Variants in CNTN4 observed in about 807,000 individuals in gnomAD.
CNTN4 encodes the protein contactin 4.
A neutral mutation model predicts 122.5 loss-of-function variants in CNTN4; 77 were observed. The observed-to-expected ratio is 0.63, with a 90% CI of 0.52 to 0.76. The LOEUF (loss-of-function observed/expected upper bound fraction) is 0.76. CNTN4 is among the 30% of genes least tolerant of loss of function. The pLI is 0.00. For synonymous variants in CNTN4, 512 were observed against 447.0 expected (o/e 1.15, Z -1.83); for missense variants, 1,256 against 1,259.1 (o/e 1.00, Z 0.04).
intron 12 of CNTN4, among the ~76,000 whole-genome samples, chr3:2,912,285 C>T (rs1010425460): frequency 2.0e-5 from 3 of 152,188 alleles, no homozygotes; most frequent in African/African-American, 7.2e-5. Context: ...AGATGATCTA[C>T]TCAAAGTGCT....
chr3:2,251,729 C>CT (rs977132496), intron 2 of CNTN4, among the ~76,000 whole-genome samples: 7 of 151,206 alleles, frequency 4.6e-5, no homozygotes, highest in African/African-American at 9.7e-5. Flanking sequence ...AGTATTACTT[C>CT]TTTTTTTTAA....
intron 3 of CNTN4, among the ~76,000 whole-genome samples, chr3:2,570,410 CAA>C (rs897714113): frequency 1.3e-5 from 2 of 152,152 alleles, no homozygotes; most frequent in East Asian, 3.9e-4. Flanking sequence ...CTCCTGGCCT[CAA>C]GAGATCCTCC....
At chr3:2,585,221 A>G (rs936076533) in intron 4 of CNTN4, among the ~76,000 whole-genome samples, 3 of 152,068 alleles carry the variant, frequency 2.0e-5, no homozygotes, top group Non-Finnish European at 4.4e-5. Context: ...AGAAATAGAA[A>G]CACTTTTACA....
chr3:2,490,562 T>C (rs1268844639), intron 3 of CNTN4, among the ~76,000 whole-genome samples: 2 of 152,224 alleles, frequency 1.3e-5, no homozygotes, highest in Non-Finnish European at 2.9e-5. Flanking sequence ...AAATGCCTAT[T>C]TTATCCTCCT....
intron 3 of CNTN4, among the ~76,000 whole-genome samples, chr3:2,469,986 G>A (rs2075629656): frequency 6.6e-6 from 1 of 152,032 alleles, no homozygotes; most frequent in Non-Finnish European, 1.5e-5. Context: ...ACATTAATTT[G>A]CTAATATAAG....
intron 3 of CNTN4, among the ~76,000 whole-genome samples, chr3:2,470,237 T>C (rs1282167868): frequency 6.6e-6 from 1 of 152,040 alleles, no homozygotes; most frequent in African/African-American, 2.4e-5. Context: ...CCACCACGCC[T>C]GGCTAATTTT....
intron 2 of CNTN4, among the ~76,000 whole-genome samples, chr3:2,190,806 GCACACACA>G (rs34364522): frequency 4.1e-5 from 6 of 147,514 alleles, no homozygotes; most frequent in East Asian, 2.0e-4. Flanking sequence ...AGGACTTTAT[GCACACACA>G]CACACACACA....
intron 6 of CNTN4, among the ~76,000 whole-genome samples, chr3:2,748,949 C>T (rs927410845): frequency 6.6e-6 from 1 of 152,086 alleles, no homozygotes; most frequent in Non-Finnish European, 1.5e-5. Flanking sequence ...TACTTTTGTT[C>T]CCTCTGCCTG....
intron 13 of CNTN4, among the ~76,000 whole-genome samples, chr3:2,934,562 G>T (rs574636626): frequency 6.6e-6 from 1 of 152,244 alleles, no homozygotes; most frequent in South Asian, 2.1e-4. Flanking sequence ...CCAGAAGGCC[G>T]ATGGAATCCT....
At chr3:2,791,581 A>G (rs1373768474) in intron 6 of CNTN4, among the ~76,000 whole-genome samples, 1 of 152,074 alleles carries the variant, frequency 6.6e-6, no homozygotes. Flanking sequence ...ACATAGTAAG[A>G]GTTCACCCAA....
At chr3:2,219,629 C>T (rs1257086869) in intron 2 of CNTN4, among the ~76,000 whole-genome samples, 1 of 152,036 alleles carries the variant, frequency 6.6e-6, no homozygotes, top group Non-Finnish European at 1.5e-5. Flanking sequence ...AATTTAGGCT[C>T]ATATCTACAA....
intron 6 of CNTN4, among the ~76,000 whole-genome samples, chr3:2,801,650 T>C (rs889303745): frequency 1.3e-5 from 2 of 150,432 alleles, no homozygotes; most frequent in Non-Finnish European, 2.9e-5. Context: ...GCTTGTATCA[T>C]TGTCGTGATT....
intron 3 of CNTN4, among the ~76,000 whole-genome samples, chr3:2,532,266 T>C (rs1489554640): frequency 2.0e-5 from 3 of 152,104 alleles, no homozygotes; most frequent in Non-Finnish European, 4.4e-5. Flanking sequence ...TTTTTGTTTT[T>C]TTGAGAGACA....
intron 3 of CNTN4, among the ~76,000 whole-genome samples, chr3:2,347,375 A>AATGG (rs77251031): frequency 0.13 from 18,971 of 150,596 alleles, 1,507 homozygotes; most frequent in Non-Finnish European, 0.18. Flanking sequence ...AAAAGAAGCC[A>AATGG]ATGGATGACT....
chr3:2,911,586 C>G (rs1360188159), intron 12 of CNTN4, among the ~76,000 whole-genome samples: 1 of 152,028 alleles, frequency 6.6e-6, no homozygotes, highest in Non-Finnish European at 1.5e-5. Flanking sequence ...GAAATCAACC[C>G]TAAAGAAACA....
intron 2 of CNTN4, among the ~76,000 whole-genome samples, chr3:2,112,873 C>G (rs2033070528): frequency 6.6e-6 from 1 of 152,076 alleles, no homozygotes; most frequent in Non-Finnish European, 1.5e-5. Flanking sequence ...TGATTATGGC[C>G]TTGTTATGGA....
intron 3 of CNTN4, among the ~76,000 whole-genome samples, chr3:2,549,527 C>A (rs1002146168): frequency 3.3e-5 from 5 of 152,140 alleles, no homozygotes; most frequent in African/African-American, 4.8e-5. Flanking sequence ...GTTGAACCAA[C>A]CTTGCATCCC....
intron 2 of CNTN4, among the ~76,000 whole-genome samples, chr3:2,143,335 T>TCAGCACTTTGG (rs2035093559): frequency 6.6e-6 from 1 of 152,238 alleles, no homozygotes; most frequent in African/African-American, 2.4e-5. Context: ...TTTGTCAATC[T>TCAGCACTTTGG]GATTTTACAT....
At position 2,898,616 on chromosome 3, in the gene CNTN4, G is replaced by A. The variant is rs2094140044; in HGVS notation, c.941-2069G>A. Among the ~76,000 whole-genome samples, 3 of 152,174 alleles carry A rather than the reference G, an allele frequency of 2.0e-5. No homozygotes were observed. The South Asian group carries it at 6.2e-4, about 32-fold the overall frequency. ...GCAAAAAAGCAATAAGAAAGCCCAA[G>A]TGTTACAGGAAATCTATGACATTGA... On this transcript the variant is annotated intron_variant, in intron 10 of 24. Transcript: ENST00000418658.
Sources: allele counts gnomAD v4.1 joint callset (sites outside exome capture counted in the v4.1 genomes callset), GRCh38; gene constraint gnomAD v4.1.1; transcripts MANE v1.5; gene names NCBI Gene and HGNC (gene_info 2026-07-23, HGNC 2026-07-21).